Variants in SLC9A9 observed in about 807,000 individuals in gnomAD.
SLC9A9 encodes sodium/hydrogen exchanger 9.
SLC9A9 carries 62 observed loss-of-function variants against 77.8 expected under a neutral mutation model. That is an observed-to-expected ratio of 0.80 (90% CI 0.65 to 0.98). The LOEUF is 0.98. Among genes scored for constraint, SLC9A9 ranks in the 50% least tolerant of loss-of-function variants. SLC9A9 has a pLI of 0.00. For missense variants in SLC9A9, 775 were observed against 774.9 expected (o/e 1.00, Z 0.00); for synonymous variants, 320 against 283.5 (o/e 1.13, Z -1.29).
rs756607104 is a variant in SLC9A9 at position 143,401,485 on chromosome 3, T to TTC, written c.1470-19373_1470-19372dup. 3.3e-5 allele frequency among the ~76,000 whole-genome samples: 5 copies of TTC among 152,322 alleles called. No individual in the cohort carries two copies. The East Asian group carries it at 9.6e-4, about 29-fold the overall frequency. On this transcript the variant is annotated intron_variant, in intron 12 of 15. Transcript: ENST00000316549. The stretch of plus-strand genomic sequence containing the variant: ...GGCATCAGACTAGTGTAGAAAGCTA[T>TTC]TCACATTAGTAAGCATGCAGCAGTA...
rs1576667158 is a variant in SLC9A9, at chr3:143,698,916, G to C, written c.534-5609C>G. ...CTTGCTCTGCAGTGGGAAAACCCAGGATCTACATGTGCTGGAAGCAACATG... is the reference window on the plus strand; with the variant it reads ...CTTGCTCTGCAGTGGGAAAACCCAGCATCTACATGTGCTGGAAGCAACATG... On this transcript the variant is annotated intron_variant, in intron 4 of 15. Coordinates refer to ENST00000316549, the MANE Select transcript of SLC9A9 (RefSeq NM_173653.4). Among the ~76,000 whole-genome samples, 7 of 152,292 alleles carry C rather than the reference G, an allele frequency of 4.6e-5. 1 individual carries two copies. Among genetic ancestry groups the C allele is most frequent in the Admixed American group, 4.6e-4 (7 of 15,298 alleles).
At chr3:143,369,578 C>G (rs2032995644) in intron 13 of SLC9A9, among the ~76,000 whole-genome samples, 1 of 152,000 alleles carries the variant, frequency 6.6e-6, no homozygotes, top group Non-Finnish European at 1.5e-5. Context: ...TTACACATTG[C>G]ATACATGTAT....
intron 14 of SLC9A9, among the ~76,000 whole-genome samples, chr3:143,348,233 G>A (rs1055532586): frequency 1.3e-5 from 2 of 152,156 alleles, no homozygotes; most frequent in African/African-American, 4.8e-5. Context: ...TCGACCTTGT[G>A]ATCCACCCGC....
intron 6 of SLC9A9, among the ~76,000 whole-genome samples, chr3:143,641,058 TG>T (rs991268073): frequency 3.3e-5 from 5 of 151,670 alleles, no homozygotes; most frequent in Non-Finnish European, 7.4e-5. Flanking sequence ...GATTCCTAGG[TG>T]GGTTGTAAAT....
At chr3:143,405,525 G>C (rs565697152) in intron 12 of SLC9A9, among the ~76,000 whole-genome samples, 5 of 152,276 alleles carry the variant, frequency 3.3e-5, no homozygotes, top group African/African-American at 9.6e-5. Context: ...CTCTGTCTAT[G>C]AGTAGAAGCT....
chr3:143,449,038 A>T (rs1197377427), intron 12 of SLC9A9, among the ~76,000 whole-genome samples: 1 of 36,806 alleles, frequency 2.7e-5, no homozygotes, highest in Non-Finnish European at 4.1e-5. Flanking sequence ...TAATTATATA[A>T]AATATAATTA....
chr3:143,559,813 A>G (rs895294122), intron 8 of SLC9A9, among the ~76,000 whole-genome samples: 1 of 152,194 alleles, frequency 6.6e-6, no homozygotes, highest in Non-Finnish European at 1.5e-5. Context: ...TTCTCCATGT[A>G]AAAAAGGATA....
chr3:143,788,307 C>T (rs755873266), intron 4 of SLC9A9, among the ~76,000 whole-genome samples: 13 of 152,100 alleles, frequency 8.5e-5, no homozygotes, highest in Non-Finnish European at 1.6e-4. Context: ...TAGGGGAGGA[C>T]TTATTAACAA....
intron 14 of SLC9A9, among the ~76,000 whole-genome samples, chr3:143,328,689 G>A (rs1294737893): frequency 6.6e-6 from 1 of 152,172 alleles, no homozygotes; most frequent in Non-Finnish European, 1.5e-5. Flanking sequence ...GCCTTCACAT[G>A]TTGTACACAG....
Position 143,578,645 on chromosome 3 carries a change from G to T in SLC9A9, c.834C>A (p.Phe278Leu). The T allele has an allele frequency of 6.2e-7, 1 of 1,614,078 alleles. No homozygotes were observed. The highest frequency in any genetic ancestry group is 8.5e-7 in the Non-Finnish European group (1 of 1,179,954). Residue 278 changes from phenylalanine (F) to leucine (L), a missense_variant, in exon 7 of 16, where the codon TTC (phenylalanine) becomes TTA (leucine). Physicochemically the swap from Phe to Leu is conservative, Grantham distance 22. Transcript: ENST00000316549. Reference sequence around the variant, plus strand: ...CAAATGAGCCAGCGAAGATTCCCAGGAAATTCCCCACAGACTGGAAGAATG... The same window carrying T: ...CAAATGAGCCAGCGAAGATTCCCAGTAAATTCCCCACAGACTGGAAGAATG... ...AAAFFQSVGN[F>L]LGIFAGSFAM...
At chr3:143,541,579 T>C (rs1484964068) in intron 9 of SLC9A9, among the ~76,000 whole-genome samples, 1 of 152,206 alleles carries the variant, frequency 6.6e-6, no homozygotes, top group Non-Finnish European at 1.5e-5. Context: ...ATATACCAAA[T>C]GTTTTTAGAG....
At chr3:143,669,544 G>T (rs1337417184) in intron 5 of SLC9A9, among the ~76,000 whole-genome samples, 1 of 152,122 alleles carries the variant, frequency 6.6e-6, no homozygotes, top group Non-Finnish European at 1.5e-5. Flanking sequence ...TTATATAGTT[G>T]GTTGTTATCT....
At chr3:143,671,142 T>A (rs956035649) in intron 5 of SLC9A9, among the ~76,000 whole-genome samples, 1 of 152,178 alleles carries the variant, frequency 6.6e-6, no homozygotes, top group Non-Finnish European at 1.5e-5. Flanking sequence ...TTTGTACACA[T>A]TTAGTTAATG....
intron 12 of SLC9A9, among the ~76,000 whole-genome samples, chr3:143,448,687 A>G (rs1439937620): frequency 2.0e-5 from 3 of 151,162 alleles, no homozygotes; most frequent in African/African-American, 4.9e-5. Context: ...TCCATTTTTA[A>G]GAATCTATCC....
chr3:143,499,582 T>G (rs1248518277), intron 9 of SLC9A9, among the ~76,000 whole-genome samples: 1 of 152,092 alleles, frequency 6.6e-6, no homozygotes, highest in African/African-American at 2.4e-5. Context: ...TAAGGATAGG[T>G]TTTTTTCCTT....
At chr3:143,767,824 A>T (rs2007375793) in intron 4 of SLC9A9, among the ~76,000 whole-genome samples, 1 of 152,192 alleles carries the variant, frequency 6.6e-6, no homozygotes, top group Non-Finnish European at 1.5e-5. Context: ...TTTCCATCTT[A>T]TAACCTAATG....
At chr3:143,722,472 C>CAAAAAAAAAAAAAA (rs60995925) in intron 4 of SLC9A9, among the ~76,000 whole-genome samples, 1 of 58,340 alleles carries the variant, frequency 1.7e-5, no homozygotes, top group Admixed American at 2.8e-4. Flanking sequence ...GACTCCATCT[C>CAAAAAAAAAAAAAA]AAAAAAAAAA....
intron 14 of SLC9A9, among the ~76,000 whole-genome samples, chr3:143,292,104 CAGAAGCCTCTCCATTGAGCTTGT>C (rs2030022813): frequency 6.6e-6 from 1 of 152,226 alleles, no homozygotes; most frequent in Admixed American, 6.5e-5. Flanking sequence ...TTAGAACCAG[CAGAAGCCTCTCCATTGAGCTTGT>C]GGGATGAGGA....
At chr3:143,550,775 C>T (rs1027172700) in intron 9 of SLC9A9, among the ~76,000 whole-genome samples, 4 of 152,178 alleles carry the variant, frequency 2.6e-5, no homozygotes, top group Admixed American at 1.3e-4. Context: ...GGTTGTTACA[C>T]AGCAAAAGCT....
Sources: gnomAD v4.1 joint callset for allele counts (sites outside exome capture counted in the v4.1 genomes callset) on GRCh38, gnomAD v4.1.1 for gene constraint, MANE v1.5 for transcripts, NCBI Gene and HGNC (gene_info 2026-07-23, HGNC 2026-07-21) for gene names.